TLN2: variants seen among roughly 807,000 people sequenced by gnomAD.
TLN2 encodes talin-2.
In TLN2, 118 loss-of-function variants were observed where a neutral mutation model predicts 294.7. The observed-to-expected ratio is 0.40, with a 90% CI of 0.34 to 0.47. TLN2 has a LOEUF of 0.47. TLN2 is among the 20% of genes least tolerant of loss of function. The probability of loss-of-function intolerance (pLI) is 0.84; values close to 1 mark genes in which losing one functional copy is unlikely to be tolerated. For synonymous variants in TLN2, 1,431 were observed against 1,304.5 expected (o/e 1.10, Z -2.09); for missense variants, 3,083 against 3,282.2 (o/e 0.94, Z 1.48).
intron 2 of TLN2, among the ~76,000 whole-genome samples, chr15:62,602,091 G>A (rs1038593346): frequency 4.6e-5 from 7 of 152,184 alleles, no homozygotes; most frequent in Non-Finnish European, 1.0e-4. Context: ...TAGAAACAAG[G>A]CATGTTTCTT....
intron 1 of TLN2, among the ~76,000 whole-genome samples, chr15:62,463,391 C>T (rs1197118502): frequency 6.6e-6 from 1 of 152,168 alleles, no homozygotes; most frequent in Non-Finnish European, 1.5e-5. Context: ...TTCTCTATTT[C>T]ACTTAGCTTG....
chr15:62,650,425 G>A (rs2052460385), intron 5 of TLN2, among the ~76,000 whole-genome samples: 1 of 152,156 alleles, frequency 6.6e-6, no homozygotes, highest in African/African-American at 2.4e-5. Flanking sequence ...GTCGTTGTTG[G>A]ATTTGGTAAT....
intron 22 of TLN2, 35 bp downstream of exon 22, chr15:62,712,112 C>T: frequency 6.2e-7 from 1 of 1,607,612 alleles, no homozygotes; most frequent in Non-Finnish European, 8.5e-7. Flanking sequence ...GAAAAGTGAA[C>T]ACTATTAAGT....
chr15:62,590,065 A>T (rs773824625), intron 2 of TLN2, among the ~76,000 whole-genome samples: 1 of 151,950 alleles, frequency 6.6e-6, no homozygotes, highest in Non-Finnish European at 1.5e-5. Context: ...ATTCTCATTC[A>T]CTCACACTGG....
At chr15:62,670,682 G>A (rs1249045092) in intron 9 of TLN2, among the ~76,000 whole-genome samples, 1 of 152,078 alleles carries the variant, frequency 6.6e-6, no homozygotes, top group African/African-American at 2.4e-5. Context: ...TCCATTGTAT[G>A]GAGAAACCAC....
chr15:62,704,975 T>C (rs555963259), intron 19 of TLN2, among the ~76,000 whole-genome samples: 1 of 152,358 alleles, frequency 6.6e-6, no homozygotes, highest in South Asian at 2.1e-4. Context: ...TATTGTTTTC[T>C]CCAAAGTGCC....
At chr15:62,776,982 G>A in intron 43 of TLN2, 72 bp downstream of exon 43, 3 of 1,314,418 alleles carry the variant, frequency 2.3e-6, no homozygotes, top group Non-Finnish European at 3.0e-6. Context: ...TTTTCTCTAA[G>A]CTGTCAAGGC....
rs1304516228 is a variant in TLN2 at position 62,739,351 on chromosome 15, C to T, written c.3691C>T (p.Pro1231Ser). Residue 1231 changes from proline to serine, a missense_variant, in exon 31 of 59, where the codon CCT (proline) becomes TCT (serine). Physicochemically the swap from Pro to Ser is moderately conservative, Grantham distance 74 (BLOSUM62 -1). Transcript: ENST00000636159. ...GTGTGCCGTCTGTTCCCCACAGCTA[C>T]CTCCAAGCACGAAGCCTTTCCAGGA... is the stretch of plus-strand genomic sequence containing the variant. ...SSKKLLVDSL[P>S]PSTKPFQEAQ... 6.2e-7 allele frequency: 1 copy of T among 1,612,710 alleles called. No individual in the cohort carries two copies. Among genetic ancestry groups the T allele is most frequent in the East Asian group, 2.2e-5 (1 of 44,858 alleles).
intron 2 of TLN2, among the ~76,000 whole-genome samples, chr15:62,594,933 A>G (rs1019638256): frequency 2.6e-5 from 4 of 152,230 alleles, no homozygotes; most frequent in African/African-American, 9.7e-5. Context: ...AAATATATGA[A>G]GAACTCAAAC....
chr15:62,407,646 A>G (rs995936604), intron 1 of TLN2, among the ~76,000 whole-genome samples: 3 of 152,126 alleles, frequency 2.0e-5, no homozygotes, highest in Non-Finnish European at 4.4e-5. Flanking sequence ...GCTGGGCGCA[A>G]TGGCTCATGC....
At chr15:62,443,897 G>A (rs1458428562) in intron 1 of TLN2, among the ~76,000 whole-genome samples, 1 of 152,192 alleles carries the variant, frequency 6.6e-6, no homozygotes, top group East Asian at 1.9e-4. Context: ...TACTTGGGAC[G>A]TTGAGGTGGG....
rs1354396924 is a variant in TLN2, at chr15:62,748,414, A to G, written c.4089A>G (p.Lys1363=). 2 of 1,613,988 alleles carry G rather than the reference A, an allele frequency of 1.2e-6. No homozygotes were observed. The highest frequency in any genetic ancestry group is 1.7e-5 in the Admixed American group (1 of 60,022). Residue 1363 remains lysine (K), a synonymous_variant, in exon 33 of 59, where the codon AAA becomes AAG. Coordinates refer to ENST00000636159, the MANE Select transcript of TLN2 (RefSeq NM_015059.3). ...GTACCCAACAAGCTCCGGGCCAGAAAGAGTGCGATAATGCCCTGCGGGAGC... is the reference window on the plus strand; with the variant it reads ...GTACCCAACAAGCTCCGGGCCAGAAGGAGTGCGATAATGCCCTGCGGGAGC... ...TLCTQQAPGQ[K]ECDNALRELE...
At chr15:62,398,030 C>T (rs1475408865) in intron 1 of TLN2, among the ~76,000 whole-genome samples, 1 of 152,182 alleles carries the variant, frequency 6.6e-6, no homozygotes. Context: ...GTCTTGTGCT[C>T]TTTTCCAGCC....
intron 36 of TLN2, 109 bp downstream of exon 36, chr15:62,754,025 A>T: frequency 7.5e-7 from 1 of 1,340,364 alleles, no homozygotes; most frequent in Non-Finnish European, 9.7e-7. Context: ...CAGAGCTTGC[A>T]AAGGTAGCTA....
At chr15:62,765,446 C>A (rs2062938503) in intron 40 of TLN2, among the ~76,000 whole-genome samples, 1 of 152,102 alleles carries the variant, frequency 6.6e-6, no homozygotes, top group South Asian at 2.1e-4. Flanking sequence ...GTAGTGAAGG[C>A]TAGAGTCTCA....
chr15:62,552,622 G>A (rs949203503), intron 1 of TLN2, among the ~76,000 whole-genome samples: 5 of 152,172 alleles, frequency 3.3e-5, no homozygotes, highest in African/African-American at 9.7e-5. Flanking sequence ...GCTGTCTGGT[G>A]TTCCTAAGCT....
intron 1 of TLN2, among the ~76,000 whole-genome samples, chr15:62,562,071 C>T (rs993229240): frequency 3.3e-5 from 5 of 152,138 alleles, no homozygotes; most frequent in Admixed American, 1.3e-4. Context: ...TCTTCAAATT[C>T]GCGATACCTG....
At chr15:62,473,742 T>C (rs2037622234) in intron 1 of TLN2, among the ~76,000 whole-genome samples, 1 of 152,234 alleles carries the variant, frequency 6.6e-6, no homozygotes, top group African/African-American at 2.4e-5. Flanking sequence ...CACTGGATCC[T>C]GCTCTTCCTG....
chr15:62,771,246 T>C (rs1330928189), intron 42 of TLN2, 112 bp downstream of exon 42: 2 of 1,218,318 alleles, frequency 1.6e-6, no homozygotes, highest in Non-Finnish European at 2.2e-6. Context: ...CTGGTGGCAT[T>C]TGAGCTCCCA....
Sources: gnomAD v4.1 joint callset for allele counts (sites outside exome capture counted in the v4.1 genomes callset) on GRCh38, gnomAD v4.1.1 for gene constraint, MANE v1.5 for transcripts, NCBI Gene and HGNC (gene_info 2026-07-23, HGNC 2026-07-21) for gene names.